Variants in ZBTB4 observed in about 807,000 individuals in gnomAD.
The protein encoded by ZBTB4 is zinc finger and BTB domain containing 4.
A neutral mutation model predicts 59.8 loss-of-function variants in ZBTB4; 14 were observed. The ratio of observed to expected loss-of-function variants is 0.23; its 90% CI spans 0.15 to 0.37. The LOEUF is 0.37. Among genes scored for constraint, ZBTB4 ranks in the 10% least tolerant of loss-of-function variants. ZBTB4 has a pLI of 1.00. For missense variants in ZBTB4, 1,198 were observed against 1,380.8 expected, an observed-to-expected ratio of 0.87 and a Z score of 2.10; for synonymous variants, 587 against 575.2, an observed-to-expected ratio of 1.02 and a Z score of -0.29.
chr17:7,461,723 G>A lies in ZBTB4; in HGVS notation c.*217C>T, dbSNP rs1260332287. On this transcript the variant is annotated 3_prime_UTR_variant, in exon 4 of 4. Coordinates refer to ENST00000380599, the MANE Select transcript of ZBTB4 (RefSeq NM_001128833.2). ...TGCCCCTCATGGAGGCCATTCCCTG[G>A]AGGAAGACTGAGAGGGGAACCTCGA... 9.0e-6 allele frequency: 4 copies of A among 446,790 alleles called. No individual in the cohort carries two copies. The highest frequency in any genetic ancestry group is 3.9e-5 in the Admixed American group (1 of 25,506). 27.7% of individuals were successfully genotyped at this position (446,790 alleles called of 1,614,324 possible).
At chr17:7,482,044 C>G, upstream of ZBTB4, 1 of 1,613,196 alleles carries the variant, frequency 6.2e-7, no homozygotes, top group East Asian at 2.2e-5. Flanking sequence ...CGCCGCCCTC[C>G]GCTCCACCCA....
intron 3 of ZBTB4, among the ~76,000 whole-genome samples, chr17:7,465,237 T>C (rs1002519459): frequency 2.0e-5 from 3 of 149,268 alleles, no homozygotes; most frequent in African/African-American, 7.4e-5. Flanking sequence ...GGCGGGCAGA[T>C]CACGAGGTCA....
rs769241348 is a variant in ZBTB4 at position 7,463,697 on chromosome 17, T to A, written c.1285A>T (p.Thr429Ser). The change falls in exon 4 of 4, where the codon ACC (threonine) becomes TCC (serine). Residue 429 changes from threonine (T) to serine (S), a missense_variant. Thr to Ser is a moderately conservative substitution (Grantham distance 58). Around this residue, in one of 9 missense-constraint regions of ZBTB4, gnomAD observed 60 missense variants for 93.0 expected, o/e 0.64. Coordinates refer to ENST00000380599, the MANE Select transcript of ZBTB4 (RefSeq NM_001128833.2). ...GCCTCCGGGGCTCCCTGGCTGTAGGTCTTGTAGGGCCGCTTGGCTGCCCGC... is the reference window on the plus strand; with the variant it reads ...GCCTCCGGGGCTCCCTGGCTGTAGGACTTGTAGGGCCGCTTGGCTGCCCGC... ...PMRAAKRPYK[T>S]YSQGAPEAPL... 2 of 1,613,770 alleles carry A rather than the reference T, an allele frequency of 1.2e-6. No homozygotes were observed. Among genetic ancestry groups the A allele is most frequent in the Non-Finnish European group, 1.7e-6 (2 of 1,179,910 alleles).
chr17:7,468,059 G>A (rs2070151243), intron 1 of ZBTB4, among the ~76,000 whole-genome samples: 1 of 152,196 alleles, frequency 6.6e-6, no homozygotes. Flanking sequence ...CTCACCTCTT[G>A]CTGGGAGACT....
chr17:7,463,617 C>G lies in ZBTB4; in HGVS notation c.1365G>C (p.Pro455=). The part of the protein sequence containing the change: ...TPAPVAMPAS[P]PPGPPPAPEP... ...CTGGGGCAGGTGGAGGCCCAGGCGG[C>G]GGGCTGGCTGGCATTGCCACAGGGG... is the stretch of plus-strand genomic sequence containing the variant. The change falls in exon 4 of 4, where the codon CCG becomes CCC. Residue 455 remains proline (P), a synonymous_variant. Transcript: ENST00000380599. 6.2e-7 allele frequency: 1 copy of G among 1,605,408 alleles called. No individual in the cohort carries two copies. The highest frequency in any genetic ancestry group is 1.1e-5 in the South Asian group (1 of 90,120).
upstream of ZBTB4, chr17:7,482,036 C>G (rs1187656892): frequency 6.2e-7 from 1 of 1,612,522 alleles, no homozygotes. Flanking sequence ...ACACCCATCG[C>G]CGCCCTCCGC....
In ZBTB4 at chr17:7,462,367, A is replaced by G; in HGVS notation, c.2615T>C (p.Val872Ala). 1 of 1,613,778 alleles carries G rather than the reference A, an allele frequency of 6.2e-7. No homozygotes were observed. The highest frequency in any genetic ancestry group is 8.5e-7 in the Non-Finnish European group (1 of 1,179,938). The stretch of plus-strand genomic sequence containing the variant: ...AATCAAGGCCAGTGGAAATTCCTGC[A>G]CAGGTGGGTATACATAGCTGCCCCC... ...ASGGSYVYPP[V>A]QEFPLALIGG... Residue 872 changes from valine (V) to alanine (A), a missense_variant, in exon 4 of 4, where the codon GTG (valine) becomes GCG (alanine). By Grantham distance (64) the Val-to-Ala change is moderately conservative. Coordinates refer to ENST00000380599, the MANE Select transcript of ZBTB4 (RefSeq NM_001128833.2). This position sits in a 1 kb window ranked among gnomAD's most constrained non-coding sequence, Gnocchi z 7.5.
In ZBTB4 at chr17:7,463,454, A is replaced by T. The variant is rs1249099193; in HGVS notation, c.1528T>A (p.Tyr510Asn). The change falls in exon 4 of 4, where the codon TAC becomes AAC. Residue 510 changes from tyrosine to asparagine, a missense_variant. By Grantham distance (143) the Tyr-to-Asn change is moderately radical. This residue lies in a region of ZBTB4 where 550 missense variants were observed against 541.8 expected (regional missense o/e 1.02). Transcript: ENST00000380599. ...TTGGGTGGCCTCGGGGGAGCAGTGT[A>T]AGTGATAACCGAGGCAGCTTGGGAC... The part of the protein sequence containing the change: ...GGSQAASVIT[Y>N]TAPPRPPKKR... The T allele has an allele frequency of 1.3e-6, 2 of 1,545,252 alleles. No individual in the cohort carries two copies. The highest frequency in any genetic ancestry group is 4.0e-5 in the Admixed American group (2 of 50,092).
chr17:7,482,266 T>A (rs1185725992), upstream of ZBTB4: 1 of 1,614,018 alleles, frequency 6.2e-7, no homozygotes. Flanking sequence ...GCGACCCCCT[T>A]CTGGGACCTC....
Position 7,461,605 on chromosome 17 carries a change from A to T in ZBTB4, c.*335T>A, listed in dbSNP as rs926416123. The T allele has an allele frequency of 4.4e-6, 1 of 228,828 alleles. No individual in the cohort carries two copies. Among genetic ancestry groups the T allele is most frequent in the African/African-American group, 2.3e-5 (1 of 43,640 alleles). 14.2% of individuals were successfully genotyped at this position (228,828 alleles called of 1,614,324 possible). On this transcript the variant is annotated 3_prime_UTR_variant, in exon 4 of 4. Coordinates refer to ENST00000380599, the MANE Select transcript of ZBTB4 (RefSeq NM_001128833.2). ...TTTACGAATCAGGGGAGCAGGTTAG[A>T]CATTCAGAGCTGGTGGGGGCTGTGA...
rs1005406327 is a variant in ZBTB4, at chr17:7,466,925, C to G, written c.-9-115G>C. 23 of 1,425,886 alleles carry G rather than the reference C, an allele frequency of 1.6e-5. No individual in the cohort carries two copies. Among genetic ancestry groups the G allele is most frequent in the Non-Finnish European group, 2.0e-5 (22 of 1,090,958 alleles). 88.3% of individuals were successfully genotyped at this position (1,425,886 alleles called of 1,614,324 possible). A position where few individuals can be genotyped will look rare whatever the true frequency, so the allele number is the denominator to read the frequency against. ...CTGCTGGTCAGAAACTAGTGGAAGG[C>G]TGAATCACTTCTGGTCACAGAAGTC... On this transcript the variant is annotated intron_variant, in intron 2 of 3. Coordinates refer to ENST00000380599, the MANE Select transcript of ZBTB4 (RefSeq NM_001128833.2). This position sits in a 1 kb window ranked among gnomAD's most constrained non-coding sequence, Gnocchi z 9.1.
chr17:7,462,893 G>A lies in ZBTB4; in HGVS notation c.2089C>T (p.Arg697Cys), dbSNP rs373245404. 62 of 1,608,096 alleles carry A rather than the reference G, an allele frequency of 3.9e-5. 1 individual carries two copies. Among genetic ancestry groups the A allele is most frequent in the African/African-American group, 9.3e-5 (7 of 74,946 alleles). Reference sequence around the variant, plus strand: ...CTCCGTTCCAGCTTCTGCCTCCAACGTGGTGGCCGGCGGCCTCGGGGCAGC... The same window carrying A: ...CTCCGTTCCAGCTTCTGCCTCCAACATGGTGGCCGGCGGCCTCGGGGCAGC... Reference protein sequence around the residue: ...SGLPRGRRPPRWRQKLERRSW... With the variant: ...SGLPRGRRPPCWRQKLERRSW... Residue 697 changes from arginine (R) to cysteine (C), a missense_variant, in exon 4 of 4, where the codon CGT (arginine) becomes TGT (cysteine). Around this residue, in one of 9 missense-constraint regions of ZBTB4, gnomAD observed 550 missense variants for 541.8 expected, o/e 1.02. Transcript: ENST00000380599. This position sits in a 1 kb window ranked among gnomAD's most constrained non-coding sequence, Gnocchi z 7.5.
chr17:7,463,711 T>G lies in ZBTB4; in HGVS notation c.1271A>C (p.Lys424Thr), dbSNP rs775955304. 6.2e-7 allele frequency: 1 copy of G among 1,613,972 alleles called. No homozygotes were observed. Among genetic ancestry groups the G allele is most frequent in the Non-Finnish European group, 8.5e-7 (1 of 1,179,990 alleles). The stretch of plus-strand genomic sequence containing the variant: ...CTGGCTGTAGGTCTTGTAGGGCCGC[T>G]TGGCTGCCCGCATGGGGAGCAGGCG... ...LYRLLPMRAAKRPYKTYSQGA... is the reference protein window; with the variant it reads ...LYRLLPMRAATRPYKTYSQGA... The change falls in exon 4 of 4, where the codon AAG becomes ACG. Residue 424 changes from lysine (K) to threonine (T), a missense_variant. By Grantham distance (78) the Lys-to-Thr change is moderately conservative. This residue lies in a region of ZBTB4 where 60 missense variants were observed against 93.0 expected (regional missense o/e 0.64). Coordinates refer to ENST00000380599, the MANE Select transcript of ZBTB4 (RefSeq NM_001128833.2).
chr17:7,463,464 C>T lies in ZBTB4; in HGVS notation c.1518G>A (p.Ser506=), dbSNP rs770119880. ...TCGGGGGAGCAGTGTAAGTGATAAC[C>T]GAGGCAGCTTGGGACCCTCCTGTGC... The part of the protein sequence containing the change: ...TASTGGSQAA[S]VITYTAPPRP... The change falls in exon 4 of 4, where the codon TCG becomes TCA. Residue 506 remains serine, a synonymous_variant. Coordinates refer to ENST00000380599, the MANE Select transcript of ZBTB4 (RefSeq NM_001128833.2). The T allele has an allele frequency of 2.8e-5, 43 of 1,538,202 alleles. No individual in the cohort carries two copies. The highest frequency in any genetic ancestry group is 1.4e-4 in the Admixed American group (7 of 48,882).
upstream of ZBTB4, chr17:7,483,917 T>G (rs1177199093): frequency 1.3e-5 from 2 of 152,258 alleles, no homozygotes; most frequent in Non-Finnish European, 2.9e-5. Context: ...CCATCTTGGT[T>G]TGTTCATGCA....
At chr17:7,470,551 C>T (rs956901290) in intron 1 of ZBTB4, among the ~76,000 whole-genome samples, 1 of 152,004 alleles carries the variant, frequency 6.6e-6, no homozygotes, top group African/African-American at 2.4e-5. Context: ...AAAAAATTAG[C>T]AGGGCATGGA....
chr17:7,479,782 C>T (rs56338734), upstream of ZBTB4, among the ~76,000 whole-genome samples: 139,659 of 151,098 alleles, frequency 0.92, 64,877 homozygotes, highest in South Asian at 0.99. Flanking sequence ...CCAGGACTGA[C>T]CCCCGCGGCA....
At chr17:7,482,091 C>A, upstream of ZBTB4, 3 of 1,614,204 alleles carry the variant, frequency 1.9e-6, no homozygotes, top group Non-Finnish European at 2.5e-6. Flanking sequence ...CCCTCTGATG[C>A]CACCAATGGC....
At chr17:7,482,306 G>A (rs756308799), upstream of ZBTB4, 2 of 1,614,014 alleles carry the variant, frequency 1.2e-6, no homozygotes, top group Non-Finnish European at 1.7e-6. Context: ...CTACTTCTAT[G>A]CCCTGCTCAA....
Sources: gnomAD v4.1 joint callset for allele counts (sites outside exome capture counted in the v4.1 genomes callset) on GRCh38, gnomAD v4.1.1 for gene constraint, gnomAD v4.1.1 regional missense constraint, Gnocchi (gnomAD v3.1) non-coding constraint, MANE v1.5 for transcripts, NCBI Gene and HGNC (gene_info 2026-07-23, HGNC 2026-07-21) for gene names.